Variants in SLC38A3 observed in about 807,000 individuals in gnomAD.
The protein encoded by SLC38A3 is solute carrier family 38 member 3, also known as sodium-coupled neutral amino acid transporter 3.
A neutral mutation model predicts 59.5 loss-of-function variants in SLC38A3; 17 were observed. The ratio of observed to expected loss-of-function variants is 0.29; its 90% CI spans 0.20 to 0.43. SLC38A3 has a LOEUF of 0.43. Ranked by LOEUF, SLC38A3 falls within the 20% of genes least tolerant of loss-of-function variation. The pLI is 1.00. For missense variants in SLC38A3, 454 were observed against 653.9 expected (o/e 0.69, Z 3.33); for synonymous variants, 238 against 260.3 (o/e 0.91, Z 0.82).
In SLC38A3 at chr3:50,218,464, C is replaced by G; in HGVS notation, c.1036+94C>G. On this transcript the variant is annotated intron_variant, in intron 12 of 15. Transcript: ENST00000614032. This position sits in a 1 kb window ranked among gnomAD's most constrained non-coding sequence, Gnocchi z 5.8. ...CCCTCCATACCGAGGCGTGTGGTGCCTGGCTGTGCCTTGCCGCTGTGGAGG... is the reference window on the plus strand; with the variant it reads ...CCCTCCATACCGAGGCGTGTGGTGCGTGGCTGTGCCTTGCCGCTGTGGAGG... 6.5e-7 allele frequency: 1 copy of G among 1,545,842 alleles called. No individual in the cohort carries two copies. The highest frequency in any genetic ancestry group is 8.9e-7 in the Non-Finnish European group (1 of 1,121,532).
intron 14 of SLC38A3, 112 bp downstream of exon 14, chr3:50,219,060 GCA>G: frequency 7.5e-7 from 1 of 1,336,144 alleles, no homozygotes; most frequent in Non-Finnish European, 1.0e-6. Context: ...GTGGCCATGT[GCA>G]CAGTTTGGCC....
At chr3:50,216,894 T>C (rs1008393400) in intron 7 of SLC38A3, among the ~76,000 whole-genome samples, 1 of 152,208 alleles carries the variant, frequency 6.6e-6, no homozygotes, top group Non-Finnish European at 1.5e-5. Flanking sequence ...TGCCTCAGTC[T>C]CCTGAGTAGC....
rs1426309945 is a variant in SLC38A3 at position 50,221,159 on chromosome 3, C to T, written c.*982C>T. 6.6e-6 allele frequency: 1 copy of T among 150,402 alleles called. No homozygotes were observed. The highest frequency in any genetic ancestry group is 1.5e-5 in the Non-Finnish European group (1 of 67,572). The allele number at this position is 150,402 out of a possible 1,614,324, so 9.3% of individuals were successfully genotyped here. ...AACTAACCAGTGGCACACTCAGACC[C>T]AGCTCTGGGCCTGGGCCAGGCTCAG... On this transcript the variant is annotated 3_prime_UTR_variant, in exon 16 of 16. Transcript: ENST00000614032.
intron 14 of SLC38A3, 37 bp from the exon 15 acceptor site, chr3:50,219,844 A>T (rs1295742342): frequency 1.3e-6 from 2 of 1,543,592 alleles, no homozygotes; most frequent in South Asian, 1.2e-5. Context: ...CAGTAGGAGG[A>T]TATGAGCCAG....
chr3:50,209,160 C>T (rs1575422953), intron 1 of SLC38A3, among the ~76,000 whole-genome samples: 1 of 152,228 alleles, frequency 6.6e-6, no homozygotes, highest in African/African-American at 2.4e-5. Context: ...GCTGGGCCTC[C>T]GGCTGCACGT....
chr3:50,214,630 C>T lies in SLC38A3; in HGVS notation c.184-23C>T. 6.5e-7 allele frequency: 1 copy of T among 1,548,670 alleles called. No individual in the cohort carries two copies. Among genetic ancestry groups the T allele is most frequent in the South Asian group, 1.1e-5 (1 of 87,436 alleles). On this transcript the variant is annotated intron_variant, in intron 3 of 15. Transcript: ENST00000614032. This position sits in a 1 kb window ranked among gnomAD's most constrained non-coding sequence, Gnocchi z 6.0. ...CCCTTGCTGACTCCTCCCACCCTCCCCGTCCCATTCTGGTGCCTGCAGTTC... is the reference window on the plus strand; with the variant it reads ...CCCTTGCTGACTCCTCCCACCCTCCTCGTCCCATTCTGGTGCCTGCAGTTC...
rs968768003 is a variant in SLC38A3 at position 50,215,194 on chromosome 3, C to A, written c.300-192C>A. On this transcript the variant is annotated intron_variant, in intron 4 of 15. Transcript: ENST00000614032. The surrounding 1 kb of genome is among the most constrained non-coding windows in gnomAD (Gnocchi z 7.1). The stretch of plus-strand genomic sequence containing the variant: ...CCAGAGGGCCCCTTCTGGGGTGTGT[C>A]GCACCCTGGATCAAAGGGGGTGGTG... 1 of 607,624 alleles carries A rather than the reference C, an allele frequency of 1.6e-6. No homozygotes were observed. Among genetic ancestry groups the A allele is most frequent in the Non-Finnish European group, 2.9e-6 (1 of 340,736 alleles). The allele number at this position is 607,624 out of a possible 1,614,324, so 37.6% of individuals were successfully genotyped here.
chr3:50,215,505 C>T lies in SLC38A3; in HGVS notation c.374-39C>T. 1 of 1,613,320 alleles carries T rather than the reference C, an allele frequency of 6.2e-7. No homozygotes were observed. The highest frequency in any genetic ancestry group is 8.5e-7 in the Non-Finnish European group (1 of 1,179,304). Reference sequence around the variant, plus strand: ...GAATGGGCGGGAGCTGGTGGGTAAACTGGGACAAGCTCCTGACTTCTTGAC... The same window carrying T: ...GAATGGGCGGGAGCTGGTGGGTAAATTGGGACAAGCTCCTGACTTCTTGAC... On this transcript the variant is annotated intron_variant, in intron 5 of 15. Transcript: ENST00000614032. This position sits in a 1 kb window ranked among gnomAD's most constrained non-coding sequence, Gnocchi z 7.1.
Position 50,215,271 on chromosome 3 carries a change from A to T in SLC38A3, c.300-115A>T. On this transcript the variant is annotated intron_variant, in intron 4 of 15. Transcript: ENST00000614032. This position sits in a 1 kb window ranked among gnomAD's most constrained non-coding sequence, Gnocchi z 7.1. ...TGGCATCCATACCTGTTGGGAGTCC[A>T]GACACCCAGGTCACAGACCCTCCAC... The T allele has an allele frequency of 1.1e-6, 1 of 876,580 alleles. No individual in the cohort carries two copies. The highest frequency in any genetic ancestry group is 1.9e-6 in the Non-Finnish European group (1 of 534,070). 54.3% of individuals were successfully genotyped at this position (876,580 alleles called of 1,614,324 possible).
chr3:50,217,495 C>A lies in SLC38A3; in HGVS notation c.690+22C>A, dbSNP rs1559755655. On this transcript the variant is annotated intron_variant, in intron 9 of 15. Transcript: ENST00000614032. The surrounding 1 kb of genome is among the most constrained non-coding windows in gnomAD (Gnocchi z 4.9). ...TGCAGTGAGTCACCCTCCATGTTGG[C>A]TGAGAAAGCGGGCAGCGGGTCTCCT... The A allele has an allele frequency of 6.2e-7, 1 of 1,611,364 alleles. No individual in the cohort carries two copies. Among genetic ancestry groups the A allele is most frequent in the Non-Finnish European group, 8.5e-7 (1 of 1,178,626 alleles).
rs937355727 is a variant in SLC38A3 at position 50,217,116 on chromosome 3, G to C, written c.549-122G>C. ...GATGGGGAAAGTGAGACTCAGAGCTGTGGACAAACATTCTTCAGATGTCAC... is the reference window on the plus strand; with the variant it reads ...GATGGGGAAAGTGAGACTCAGAGCTCTGGACAAACATTCTTCAGATGTCAC... On this transcript the variant is annotated intron_variant, in intron 7 of 15. Coordinates refer to ENST00000614032, the MANE Select transcript of SLC38A3 (RefSeq NM_006841.6). This position sits in a 1 kb window ranked among gnomAD's most constrained non-coding sequence, Gnocchi z 4.9. The C allele has an allele frequency of 2.0e-5, 14 of 705,766 alleles. No individual in the cohort carries two copies. The highest frequency in any genetic ancestry group is 3.5e-5 in the Non-Finnish European group (14 of 395,708). The allele number at this position is 705,766 out of a possible 1,614,324, so 43.7% of individuals were successfully genotyped here. A position where few individuals can be genotyped will look rare whatever the true frequency, so the allele number is the denominator to read the frequency against.
chr3:50,218,246 ACCCACCCC>A lies in SLC38A3; in HGVS notation c.936-18_936-11del. On this transcript the variant is annotated splice_polypyrimidine_tract_variant and intron_variant, in intron 11 of 15. Transcript: ENST00000614032. The surrounding 1 kb of genome is among the most constrained non-coding windows in gnomAD (Gnocchi z 5.8). ...CAATGTTACCCAGCTTGTCACCAAC[ACCCACCCC>A]CCCACTTCCCCACAGCCCCTCCAAG... 7.6e-7 allele frequency: 1 copy of A among 1,312,822 alleles called. No individual in the cohort carries two copies. The highest frequency in any genetic ancestry group is 1.1e-6 in the Non-Finnish European group (1 of 905,174). 81.3% of individuals were successfully genotyped at this position (1,312,822 alleles called of 1,614,324 possible). A position where few individuals can be genotyped will look rare whatever the true frequency, so the allele number is the denominator to read the frequency against.
In SLC38A3 at chr3:50,218,955, G is replaced by A. The variant is rs368497129; in HGVS notation, c.1306+7G>A. 7.2e-4 allele frequency: 1,160 copies of A among 1,604,872 alleles called. 1 individual carries two copies. The highest frequency in any genetic ancestry group is 8.7e-4 in the Non-Finnish European group (1,023 of 1,172,674). On this transcript the variant is annotated splice_region_variant and intron_variant, in intron 14 of 15. Coordinates refer to ENST00000614032, the MANE Select transcript of SLC38A3 (RefSeq NM_006841.6). This position sits in a 1 kb window ranked among gnomAD's most constrained non-coding sequence, Gnocchi z 5.8. Reference sequence around the variant, plus strand: ...GGCATCTTTGGGGTCATCGGTGAGGGTCTGGCCCTGCTGTGGAAGCAGGGT... The same window carrying A: ...GGCATCTTTGGGGTCATCGGTGAGGATCTGGCCCTGCTGTGGAAGCAGGGT...
Position 50,215,337 on chromosome 3 carries a change from G to A in SLC38A3, c.300-49G>A. The A allele has an allele frequency of 6.4e-7, 1 of 1,573,300 alleles. No homozygotes were observed. Among genetic ancestry groups the A allele is most frequent in the Admixed American group, 1.7e-5 (1 of 59,956 alleles). On this transcript the variant is annotated intron_variant, in intron 4 of 15. Coordinates refer to ENST00000614032, the MANE Select transcript of SLC38A3 (RefSeq NM_006841.6). The surrounding 1 kb of genome is among the most constrained non-coding windows in gnomAD (Gnocchi z 7.1). ...AGCCCCTCACCCTCTGCCAGCCACG[G>A]TAGCCCCCCAGTGGCCTCTTTTTCT...
In SLC38A3 at chr3:50,215,019, G is replaced by T. The variant is rs920132285; in HGVS notation, c.299+251G>T. 1.4e-5 allele frequency: 8 copies of T among 579,050 alleles called. No homozygotes were observed. The highest frequency in any genetic ancestry group is 3.1e-5 in the Admixed American group (1 of 32,070). The allele number at this position is 579,050 out of a possible 1,614,324, so 35.9% of individuals were successfully genotyped here. Reference sequence around the variant, plus strand: ...AGACTGTCCTTTTGGCACCTTACACGTGATGGCCAAGCCCCACGGCCAGGC... The same window carrying T: ...AGACTGTCCTTTTGGCACCTTACACTTGATGGCCAAGCCCCACGGCCAGGC... On this transcript the variant is annotated intron_variant, in intron 4 of 15. Coordinates refer to ENST00000614032, the MANE Select transcript of SLC38A3 (RefSeq NM_006841.6). This position sits in a 1 kb window ranked among gnomAD's most constrained non-coding sequence, Gnocchi z 7.1.
intron 1 of SLC38A3, among the ~76,000 whole-genome samples, chr3:50,208,986 AG>A (rs1194595019): frequency 6.6e-6 from 1 of 152,030 alleles, no homozygotes; most frequent in East Asian, 1.9e-4. Context: ...GAACTGCCCG[AG>A]GCCTGTGCTT....
Position 50,215,834 on chromosome 3 carries a change from G to T in SLC38A3, c.548+13G>T. On this transcript the variant is annotated intron_variant, in intron 7 of 15. Transcript: ENST00000614032. This position sits in a 1 kb window ranked among gnomAD's most constrained non-coding sequence, Gnocchi z 7.1. The stretch of plus-strand genomic sequence containing the variant: ...AGGAGAAAACCTCGTGAGCCCTGGC[G>T]TGGGGAGGGGAGGGGAGGGGTGCGG... The T allele has an allele frequency of 6.5e-7, 1 of 1,531,264 alleles. No homozygotes were observed. The highest frequency in any genetic ancestry group is 2.4e-5 in the East Asian group (1 of 41,116). The allele number at this position is 1,531,264 out of a possible 1,614,324, so 94.9% of individuals were successfully genotyped here.
chr3:50,214,861 T>C lies in SLC38A3; in HGVS notation c.299+93T>C. On this transcript the variant is annotated intron_variant, in intron 4 of 15. Transcript: ENST00000614032. This position sits in a 1 kb window ranked among gnomAD's most constrained non-coding sequence, Gnocchi z 6.0. ...GACCCGCCAGTTCCCTGTCCCAGCA[T>C]CCAGGCTGCAGTGGGTGGGCACTTC... The C allele has an allele frequency of 1.2e-6, 1 of 835,328 alleles. No individual in the cohort carries two copies. Among genetic ancestry groups the C allele is most frequent in the South Asian group, 1.5e-5 (1 of 66,240 alleles). The allele number at this position is 835,328 out of a possible 1,614,324, so 51.7% of individuals were successfully genotyped here.
At chr3:50,212,391 G>T (rs1699743566) in intron 1 of SLC38A3, among the ~76,000 whole-genome samples, 1 of 152,238 alleles carries the variant, frequency 6.6e-6, no homozygotes, top group Non-Finnish European at 1.5e-5. Context: ...TCTATACCCA[G>T]GTGGGACACT....
Sources: gnomAD v4.1 joint callset for allele counts (sites outside exome capture counted in the v4.1 genomes callset) on GRCh38, gnomAD v4.1.1 for gene constraint, Gnocchi (gnomAD v3.1) non-coding constraint, MANE v1.5 for transcripts, NCBI Gene and HGNC (gene_info 2026-07-23, HGNC 2026-07-21) for gene names.